The following ZC3HAV1 variants were observed in gnomAD, a reference collection of about 807,000 sequenced individuals.
ZC3HAV1 encodes zinc finger CCCH-type containing, antiviral 1, also known as zinc finger CCCH-type antiviral protein 1.
ZC3HAV1 carries 41 observed loss-of-function variants against 86.6 expected under a neutral mutation model. The ratio of observed to expected loss-of-function variants is 0.47; its 90% CI spans 0.37 to 0.61. The LOEUF (loss-of-function observed/expected upper bound fraction) is 0.61, where lower values mean the gene tolerates loss of function less well. Ranked by LOEUF, ZC3HAV1 falls within the 20% of genes least tolerant of loss-of-function variation. The probability of loss-of-function intolerance (pLI) is 0.00; values close to 1 mark genes in which losing one functional copy is unlikely to be tolerated. For synonymous variants in ZC3HAV1, 421 were observed against 432.1 expected, an observed-to-expected ratio of 0.97 and a Z score of 0.32; for missense variants, 964 against 1,141.1, an observed-to-expected ratio of 0.84 and a Z score of 2.24.
intron 2 of ZC3HAV1, among the ~76,000 whole-genome samples, chr7:139,086,745 C>T (rs1326696714): frequency 6.6e-6 from 1 of 152,176 alleles, no homozygotes; most frequent in Non-Finnish European, 1.5e-5. Flanking sequence ...TCCCATTCTA[C>T]TGTTCTCATG....
In ZC3HAV1 at chr7:139,047,164, TA is replaced by T; in HGVS notation, c.*429del. 1.0e-5 allele frequency: 2 copies of T among 199,684 alleles called. No individual in the cohort carries two copies. Among genetic ancestry groups the T allele is most frequent in the South Asian group, 7.5e-5 (1 of 13,398 alleles). 12.4% of individuals were successfully genotyped at this position (199,684 alleles called of 1,614,324 possible). A position where few individuals can be genotyped will look rare whatever the true frequency, so the allele number is the denominator to read the frequency against. On this transcript the variant is annotated 3_prime_UTR_variant, in exon 13 of 13. Coordinates refer to ENST00000242351, the MANE Select transcript of ZC3HAV1 (RefSeq NM_020119.4). ...CAACACAGTGAAACCCTGTCTCTAC[TA>T]AAAAATACAAAAAATTAGCTGGGCG...
intron 3 of ZC3HAV1, 116 bp from the exon 4 acceptor site, chr7:139,080,359 C>T (rs778643356): frequency 9.3e-5 from 118 of 1,273,044 alleles, no homozygotes; most frequent in Non-Finnish European, 1.2e-4. Context: ...CAAGTGCTAT[C>T]AAATTACTTG....
In ZC3HAV1 at chr7:139,079,904, C is replaced by T. The variant is rs1445971488; in HGVS notation, c.1037G>A (p.Ser346Asn). Residue 346 changes from serine (S) to asparagine (N), a missense_variant, in exon 4 of 13, where the codon AGC becomes AAC. Transcript: ENST00000242351. The part of the protein sequence containing the change: ...QEDLLHGNPG[S>N]TYLASNSTSA... ...TGTTGAATTGGAAGCAAGGTAAGTG[C>T]TGCCTGGATTTCCATGCAAGAGGTC... 1 of 1,614,174 alleles carries T rather than the reference C, an allele frequency of 6.2e-7. No individual in the cohort carries two copies. Among genetic ancestry groups the T allele is most frequent in the Admixed American group, 1.7e-5 (1 of 60,018 alleles).
chr7:139,095,431 A>G (rs566613788), intron 1 of ZC3HAV1, among the ~76,000 whole-genome samples: 1 of 152,334 alleles, frequency 6.6e-6, no homozygotes, highest in East Asian at 1.9e-4. Flanking sequence ...GTGGAGCCGA[A>G]AAAAATGAGC....
At chr7:139,071,778 G>A (rs1816779899) in intron 7 of ZC3HAV1, among the ~76,000 whole-genome samples, 1 of 152,180 alleles carries the variant, frequency 6.6e-6, no homozygotes, top group Non-Finnish European at 1.5e-5. Flanking sequence ...TATTCCACCA[G>A]GGCAGCCCTG....
In ZC3HAV1 at chr7:139,109,373, G is replaced by C. The variant is rs1024279056; in HGVS notation, c.-42C>G. 6 of 1,504,106 alleles carry C rather than the reference G, an allele frequency of 4.0e-6. No homozygotes were observed. Among genetic ancestry groups the C allele is most frequent in the Non-Finnish European group, 5.3e-6 (6 of 1,128,972 alleles). The allele number at this position is 1,504,106 out of a possible 1,614,324, so 93.2% of individuals were successfully genotyped here. On this transcript the variant is annotated 5_prime_UTR_variant, in exon 1 of 13. Coordinates refer to ENST00000242351, the MANE Select transcript of ZC3HAV1 (RefSeq NM_020119.4). Reference sequence around the variant, plus strand: ...TGGCTCTGCCGCGGCGCGGGACTCGGTTCCGCGGAAATCGGAAATCGAAAC... The same window carrying C: ...TGGCTCTGCCGCGGCGCGGGACTCGCTTCCGCGGAAATCGGAAATCGAAAC...
chr7:139,060,702 A>T (rs1424458697), intron 9 of ZC3HAV1: 1 of 1,090,328 alleles, frequency 9.2e-7, no homozygotes, highest in Non-Finnish European at 1.1e-6. Flanking sequence ...AAGAATCCAC[A>T]GCAAAACAAA....
At chr7:139,055,657 T>C (rs1188972173) in intron 9 of ZC3HAV1, among the ~76,000 whole-genome samples, 1 of 152,194 alleles carries the variant, frequency 6.6e-6, no homozygotes, top group African/African-American at 2.4e-5. Flanking sequence ...TTAAATATAT[T>C]AGGAATTTAG....
intron 1 of ZC3HAV1, among the ~76,000 whole-genome samples, chr7:139,101,500 G>C (rs1343165406): frequency 9.0e-5 from 9 of 100,094 alleles, no homozygotes; most frequent in African/African-American, 1.6e-4. Context: ...CCACCACCCC[G>C]TCTGGGAGGT....
chr7:139,068,560 G>A (rs1001756612), intron 7 of ZC3HAV1, among the ~76,000 whole-genome samples: 4 of 152,318 alleles, frequency 2.6e-5, no homozygotes, highest in Admixed American at 2.6e-4. Flanking sequence ...CAGTGACCAT[G>A]GAACTGATTT....
At chr7:139,085,800 G>A (rs1256453762) in intron 2 of ZC3HAV1, among the ~76,000 whole-genome samples, 1 of 152,080 alleles carries the variant, frequency 6.6e-6, no homozygotes, top group Non-Finnish European at 1.5e-5. Flanking sequence ...ATCACCTGAG[G>A]TCAGGAGTTT....
intron 2 of ZC3HAV1, among the ~76,000 whole-genome samples, chr7:139,084,391 T>G (rs80243691): frequency 6.6e-6 from 1 of 152,258 alleles, no homozygotes; most frequent in East Asian, 1.9e-4. Context: ...AAAGGACATG[T>G]GGGTCTTACC....
At chr7:139,085,059 A>G (rs1380516467) in intron 2 of ZC3HAV1, among the ~76,000 whole-genome samples, 1 of 152,242 alleles carries the variant, frequency 6.6e-6, no homozygotes, top group Non-Finnish European at 1.5e-5. Flanking sequence ...AGCAATTCTC[A>G]AAGTGTGGTC....
At chr7:139,055,340 G>C (rs773973479) in intron 9 of ZC3HAV1, 45 bp from the exon 10 acceptor site, 12 of 1,534,322 alleles carry the variant, frequency 7.8e-6, no homozygotes, top group Non-Finnish European at 1.1e-5. Context: ...TGCTCCACAG[G>C]CCCAAGTGAT....
At chr7:139,084,143 C>A in intron 2 of ZC3HAV1, 111 bp from the exon 3 acceptor site, 3 of 1,404,820 alleles carry the variant, frequency 2.1e-6, no homozygotes, top group Non-Finnish European at 9.6e-7. Context: ...CAGAGATATA[C>A]CAAAGGGGGA....
At chr7:139,065,097 T>G in intron 7 of ZC3HAV1, 98 bp from the exon 8 acceptor site, 1 of 1,509,302 alleles carries the variant, frequency 6.6e-7, no homozygotes, top group East Asian at 2.3e-5. Flanking sequence ...TGAACAGGAG[T>G]GCATTTTGCT....
At chr7:139,082,320 C>G (rs948785020) in intron 3 of ZC3HAV1, among the ~76,000 whole-genome samples, 2 of 138,596 alleles carry the variant, frequency 1.4e-5, no homozygotes, top group Non-Finnish European at 3.1e-5. Context: ...CTTAGGATGG[C>G]TATTATTAAA....
At chr7:139,074,116 T>A in intron 6 of ZC3HAV1, 86 bp from the exon 7 acceptor site, 3 of 1,348,804 alleles carry the variant, frequency 2.2e-6, no homozygotes, top group Non-Finnish European at 3.0e-6. Flanking sequence ...GAGCACAGAA[T>A]TAAACTTTCA....
At chr7:139,060,321 AT>A (rs1016291248) in intron 9 of ZC3HAV1, 63 of 985,296 alleles carry the variant, frequency 6.4e-5, no homozygotes, top group South Asian at 5.6e-4. Context: ...CAGAAAAAAA[AT>A]ATCCAACTCC....
Sources: gnomAD v4.1 joint callset for allele counts (sites outside exome capture counted in the v4.1 genomes callset) on GRCh38, gnomAD v4.1.1 for gene constraint, MANE v1.5 for transcripts, NCBI Gene and HGNC (gene_info 2026-07-23, HGNC 2026-07-21) for gene names.